Variants in NIPBL observed in about 807,000 individuals in gnomAD.
NIPBL encodes nipped-B-like protein.
Under a neutral mutation model 321.8 loss-of-function variants are expected in NIPBL, and 19 were observed. That is an observed-to-expected ratio of 0.06 (90% CI 0.04 to 0.09). The LOEUF (loss-of-function observed/expected upper bound fraction) is 0.09. Among genes scored for constraint, NIPBL ranks in the 10% least tolerant of loss-of-function variants. The pLI, the probability that NIPBL is intolerant of heterozygous loss-of-function variation, is 1.00. For missense variants in NIPBL, 2,210 were observed against 3,327.0 expected (o/e 0.66, Z 8.26); for synonymous variants, 1,106 against 1,114.1 (o/e 0.99, Z 0.14).
chr5:36,892,102 A>C (rs1746374683), intron 1 of NIPBL, among the ~76,000 whole-genome samples: 1 of 152,202 alleles, frequency 6.6e-6, no homozygotes, highest in East Asian at 1.9e-4. Context: ...AATTGTACTA[A>C]TGATTATTTG....
At chr5:36,954,068 A>G (rs996524802) in intron 2 of NIPBL, among the ~76,000 whole-genome samples, 1 of 152,164 alleles carries the variant, frequency 6.6e-6, no homozygotes, top group African/African-American at 2.4e-5. Context: ...ATGTAACTCA[A>G]TTTTTCAGAG....
chr5:37,019,746 T>C (rs898098334), intron 25 of NIPBL, among the ~76,000 whole-genome samples: 3 of 152,300 alleles, frequency 2.0e-5, no homozygotes, highest in Admixed American at 6.5e-5. Flanking sequence ...AAAAATAAAC[T>C]ATTGGATTTT....
intron 9 of NIPBL, among the ~76,000 whole-genome samples, chr5:36,977,379 A>C (rs16903427): frequency 0.12 from 17,599 of 151,902 alleles, 1,106 homozygotes; most frequent in Admixed American, 0.18. Context: ...GATCATGACA[A>C]GATAATTGTG....
chr5:36,924,862 A>ATT (rs1313440894), intron 1 of NIPBL, among the ~76,000 whole-genome samples: 1 of 152,288 alleles, frequency 6.6e-6, no homozygotes, highest in South Asian at 2.1e-4. Context: ...TTCTATAATA[A>ATT]TTCCTGGGGG....
Position 37,008,610 on chromosome 5 carries a change from A to T in NIPBL, c.4321-13A>T. 8.0e-7 allele frequency: 1 copy of T among 1,245,988 alleles called. No homozygotes were observed. Among genetic ancestry groups the T allele is most frequent in the Non-Finnish European group, 1.2e-6 (1 of 846,570 alleles). 77.2% of individuals were successfully genotyped at this position (1,245,988 alleles called of 1,614,324 possible). A position where few individuals can be genotyped will look rare whatever the true frequency, so the allele number is the denominator to read the frequency against. On this transcript the variant is annotated splice_polypyrimidine_tract_variant and intron_variant, in intron 19 of 46. Coordinates refer to ENST00000282516, the MANE Select transcript of NIPBL (RefSeq NM_133433.4). ...TTATAAGTTTAACTTGGAATCTTAT[A>T]ATTACTAAACAGGTATTCTCAAGAT...
Position 37,016,031 on chromosome 5 carries a change from T to G in NIPBL, c.4644-7T>G, listed in dbSNP as rs1457318556. On this transcript the variant is annotated splice_region_variant and splice_polypyrimidine_tract_variant and intron_variant, in intron 22 of 46. Transcript: ENST00000282516. ...TGACATCCTTTTCATTATTTGCCTTTGAACAGATGTGGTAGTAAGCAAGGT... is the reference window on the plus strand; with the variant it reads ...TGACATCCTTTTCATTATTTGCCTTGGAACAGATGTGGTAGTAAGCAAGGT... 8 of 1,613,926 alleles carry G rather than the reference T, an allele frequency of 5.0e-6. No homozygotes were observed. Among genetic ancestry groups the G allele is most frequent in the Non-Finnish European group, 6.8e-6 (8 of 1,179,872 alleles).
At chr5:37,051,086 C>T (rs1753493833) in intron 40 of NIPBL, 1 of 152,324 alleles carries the variant, frequency 6.6e-6, no homozygotes, top group Admixed American at 6.5e-5. Context: ...CTCAGTGTCC[C>T]AAAGTGCTGG....
intron 16 of NIPBL, among the ~76,000 whole-genome samples, chr5:37,004,570 A>C (rs1747206115): frequency 6.6e-6 from 1 of 151,888 alleles, no homozygotes; most frequent in Non-Finnish European, 1.5e-5. Context: ...ATGCCTGGCC[A>C]ATTATTTAAA....
At chr5:36,951,795 G>A (rs1049294304) in intron 1 of NIPBL, among the ~76,000 whole-genome samples, 2 of 151,890 alleles carry the variant, frequency 1.3e-5, no homozygotes, top group African/African-American at 4.8e-5. Context: ...CCTTTCAGTG[G>A]GCTTCTGCTA....
At chr5:36,920,953 T>C (rs891495102) in intron 1 of NIPBL, among the ~76,000 whole-genome samples, 6 of 152,244 alleles carry the variant, frequency 3.9e-5, no homozygotes, top group African/African-American at 1.2e-4. Context: ...CTTTTGCTTT[T>C]ACTATTTTGA....
At chr5:37,006,855 C>G (rs1485379057) in intron 17 of NIPBL, among the ~76,000 whole-genome samples, 1 of 151,766 alleles carries the variant, frequency 6.6e-6, no homozygotes, top group African/African-American at 2.4e-5. Context: ...CTAATTTTAC[C>G]CAAAATAGCA....
intron 1 of NIPBL, among the ~76,000 whole-genome samples, chr5:36,886,752 C>T (rs1203451226): frequency 6.6e-6 from 1 of 151,592 alleles, no homozygotes; most frequent in African/African-American, 2.4e-5. Flanking sequence ...CCAAAAGTTC[C>T]CATGTATCCC....
At chr5:36,989,240 A>G (rs765055383) in intron 10 of NIPBL, among the ~76,000 whole-genome samples, 3 of 152,136 alleles carry the variant, frequency 2.0e-5, no homozygotes, top group Non-Finnish European at 2.9e-5. Context: ...ATCCAAAGAA[A>G]ACCTGCTTAT....
chr5:36,889,971 T>A (rs1746195655), intron 1 of NIPBL, among the ~76,000 whole-genome samples: 1 of 152,058 alleles, frequency 6.6e-6, no homozygotes, highest in Admixed American at 6.5e-5. Context: ...TTTTATGTTT[T>A]TCCTACTAAG....
intron 1 of NIPBL, among the ~76,000 whole-genome samples, chr5:36,899,517 A>C (rs1747042427): frequency 6.6e-6 from 1 of 152,222 alleles, no homozygotes; most frequent in Non-Finnish European, 1.5e-5. Flanking sequence ...GGTGAGCAGT[A>C]GGATTTTGTA....
intron 10 of NIPBL, among the ~76,000 whole-genome samples, chr5:36,987,326 G>A (rs1207594093): frequency 6.6e-6 from 1 of 152,152 alleles, no homozygotes; most frequent in Non-Finnish European, 1.5e-5. Flanking sequence ...GGCCAAGAGG[G>A]TAACCATTGC....
chr5:36,887,518 G>A (rs1449518171), intron 1 of NIPBL, among the ~76,000 whole-genome samples: 1 of 152,062 alleles, frequency 6.6e-6, no homozygotes, highest in Non-Finnish European at 1.5e-5. Flanking sequence ...CCTCTCCCCC[G>A]ACCCTTTCCT....
chr5:37,044,248 C>T (rs554906890), intron 34 of NIPBL, 99 bp from the exon 35 acceptor site: 83 of 996,186 alleles, frequency 8.3e-5, no homozygotes, highest in South Asian at 7.0e-4. Flanking sequence ...TGGACCTTTA[C>T]GTGCAAAATG....
rs201403933 is a variant in NIPBL, at chr5:37,010,244, G to A, written c.4560+19G>A. 2.0e-5 allele frequency: 31 copies of A among 1,552,370 alleles called. No individual in the cohort carries two copies. In the Admixed American group the frequency reaches 3.7e-4, roughly 18 times the overall value. ...TAAAAAAGTAAGGAATCTATTAAAG[G>A]TTTTACAACTGTACTTTTATTGAAG... On this transcript the variant is annotated intron_variant, in intron 21 of 46. Coordinates refer to ENST00000282516, the MANE Select transcript of NIPBL (RefSeq NM_133433.4).
Sources: allele counts gnomAD v4.1 joint callset (sites outside exome capture counted in the v4.1 genomes callset), GRCh38; gene constraint gnomAD v4.1.1; transcripts MANE v1.5; gene names NCBI Gene and HGNC (gene_info 2026-07-23, HGNC 2026-07-21).